Variants in PCDHA1 observed in about 807,000 individuals in gnomAD.
PCDHA1 encodes the protein protocadherin alpha-1.
A neutral mutation model predicts 61.3 loss-of-function variants in PCDHA1; 42 were observed. The ratio of observed to expected loss-of-function variants is 0.69; its 90% CI spans 0.54 to 0.89. The LOEUF is 0.89. Among genes scored for constraint, PCDHA1 ranks in the 40% least tolerant of loss-of-function variants. The pLI, the probability that PCDHA1 is intolerant of heterozygous loss-of-function variation, is 0.00. For missense variants in PCDHA1, 1,256 were observed against 1,235.3 expected (o/e 1.02, Z -0.25); for synonymous variants, 610 against 553.8 (o/e 1.10, Z -1.43).
chr5:140,848,542 T>G (rs2150412544), intron 1 of PCDHA1: 1 of 1,595,366 alleles, frequency 6.3e-7, no homozygotes, highest in Non-Finnish European at 8.6e-7. Context: ...CCTCTACTGC[T>G]CTCGCTTCTG....
chr5:140,868,956 C>T (rs2050758654), intron 1 of PCDHA1: 9 of 1,367,630 alleles, frequency 6.6e-6, no homozygotes, highest in Non-Finnish European at 7.9e-6. Flanking sequence ...GAGGCACTCC[C>T]ATACAAAGGA....
At chr5:140,996,596 C>G (rs1343501273) in intron 3 of PCDHA1, among the ~76,000 whole-genome samples, 1 of 152,156 alleles carries the variant, frequency 6.6e-6, no homozygotes. Flanking sequence ...CCGCCTCCCC[C>G]CATTTTCATT....
In PCDHA1 at chr5:140,895,957, C is replaced by G. The variant is rs186458993; in HGVS notation, c.2395-82992C>G. Among the ~76,000 whole-genome samples, 2 of 152,196 alleles carry G rather than the reference C, an allele frequency of 1.3e-5. 1 individual carries two copies. Among genetic ancestry groups the G allele is most frequent in the Admixed American group, 1.3e-4 (2 of 15,284 alleles). On this transcript the variant is annotated intron_variant, in intron 1 of 3. Transcript: ENST00000504120. Reference sequence around the variant, plus strand: ...TCCCGAGTAGCTGGGATTACAGGTGCCTGTCACCAGGCCTAGCTAATTTTT... The same window carrying G: ...TCCCGAGTAGCTGGGATTACAGGTGGCTGTCACCAGGCCTAGCTAATTTTT...
intron 3 of PCDHA1, among the ~76,000 whole-genome samples, chr5:140,989,886 C>T (rs954644773): frequency 1.3e-5 from 2 of 151,784 alleles, no homozygotes. Flanking sequence ...CACTTGGAGT[C>T]TCCGTTATTC....
chr5:140,834,900 A>C (rs1299634781), intron 1 of PCDHA1: 1 of 1,599,980 alleles, frequency 6.3e-7, no homozygotes, highest in Non-Finnish European at 8.5e-7. Flanking sequence ...TTACAGACTG[A>C]GCCCCAATGA....
chr5:140,925,441 T>G (rs1458646143), intron 1 of PCDHA1, among the ~76,000 whole-genome samples: 1 of 152,136 alleles, frequency 6.6e-6, no homozygotes, highest in African/African-American at 2.4e-5. Context: ...TTAGGCAGAA[T>G]TTGGGTGTAT....
At chr5:140,888,265 A>G (rs2061758269) in intron 1 of PCDHA1, among the ~76,000 whole-genome samples, 1 of 152,096 alleles carries the variant, frequency 6.6e-6, no homozygotes, top group Non-Finnish European at 1.5e-5. Flanking sequence ...TCTTGATAAG[A>G]AACAGTTTTG....
intron 1 of PCDHA1, chr5:140,841,306 G>A (rs2150313155): frequency 3.8e-6 from 6 of 1,579,894 alleles, no homozygotes; most frequent in South Asian, 3.5e-5. Context: ...TTTCTGATAG[G>A]AAACGACTAT....
At chr5:140,826,611 A>G (rs1466562195) in intron 1 of PCDHA1, among the ~76,000 whole-genome samples, 1 of 152,158 alleles carries the variant, frequency 6.6e-6, no homozygotes, top group Non-Finnish European at 1.5e-5. Flanking sequence ...ATTAAGGGCG[A>G]AGTTGATATT....
rs2150151529 is a variant in PCDHA1 at position 140,828,158 on chromosome 5, G to A, written c.2394+39474G>A. ...GCTCCTCCCGCTTCTGCTCCTCGCAGCCTGGAAGGTGGGGAGCGGCCAGCT... is the reference window on the plus strand; with the variant it reads ...GCTCCTCCCGCTTCTGCTCCTCGCAACCTGGAAGGTGGGGAGCGGCCAGCT... On this transcript the variant is annotated intron_variant, in intron 1 of 3. Transcript: ENST00000504120. 4 of 1,614,202 alleles carry A rather than the reference G, an allele frequency of 2.5e-6. No individual in the cohort carries two copies. In the East Asian group the frequency reaches 8.9e-5, roughly 36 times the overall value.
At chr5:140,911,589 C>A (rs1583792136) in intron 1 of PCDHA1, among the ~76,000 whole-genome samples, 1 of 152,302 alleles carries the variant, frequency 6.6e-6, no homozygotes, top group Middle Eastern at 3.4e-3. Flanking sequence ...TTAGGAGGAA[C>A]CAACCAACTT....
chr5:140,942,439 A>G (rs1554214983), intron 1 of PCDHA1, among the ~76,000 whole-genome samples: 1 of 152,082 alleles, frequency 6.6e-6, no homozygotes, highest in Non-Finnish European at 1.5e-5. Flanking sequence ...AACAATAAAC[A>G]AGTAAACTAT....
chr5:141,004,274 A>T (rs2098160407), intron 3 of PCDHA1, among the ~76,000 whole-genome samples: 1 of 152,212 alleles, frequency 6.6e-6, no homozygotes, highest in Admixed American at 6.5e-5. Flanking sequence ...CACAGTCTAC[A>T]TGCTGCTGAG....
rs112991614 is a variant in PCDHA1, at chr5:140,829,474, A to G, written c.2394+40790A>G. 3.3e-3 allele frequency: 5,348 copies of G among 1,613,788 alleles called. 124 individuals carry two copies. In the African/African-American group the frequency reaches 0.055, roughly 17 times the overall value. On this transcript the variant is annotated intron_variant, in intron 1 of 3. Transcript: ENST00000504120. ...CGGCGTTCGCGCAGCCCGAGTACAC[A>G]GTGTTCGTGAAGGAGAACAACCCGC...
intron 1 of PCDHA1, among the ~76,000 whole-genome samples, chr5:140,916,064 T>G (rs1282899200): frequency 1.3e-5 from 2 of 152,156 alleles, no homozygotes; most frequent in African/African-American, 4.8e-5. Flanking sequence ...CCTCTCCCTG[T>G]GGCCAGTACT....
intron 1 of PCDHA1, among the ~76,000 whole-genome samples, chr5:140,969,759 T>C (rs576118722): frequency 1.3e-5 from 2 of 152,338 alleles, no homozygotes; most frequent in African/African-American, 4.8e-5. Flanking sequence ...CTTAAAAAGC[T>C]CTGAGGCCTC....
chr5:140,822,739 A>C, intron 1 of PCDHA1: 1 of 1,613,636 alleles, frequency 6.2e-7, no homozygotes, highest in Non-Finnish European at 8.5e-7. Flanking sequence ...TATTGATGCC[A>C]TGGATAAAAG....
intron 3 of PCDHA1, among the ~76,000 whole-genome samples, chr5:140,983,425 C>T (rs1252010683): frequency 2.0e-5 from 3 of 152,198 alleles, no homozygotes; most frequent in Non-Finnish European, 4.4e-5. Context: ...GTAGAGACCA[C>T]AAATTGTGTC....
intron 1 of PCDHA1, among the ~76,000 whole-genome samples, chr5:140,965,098 A>G (rs1554227430): frequency 6.6e-6 from 1 of 152,244 alleles, no homozygotes; most frequent in African/African-American, 2.4e-5. Flanking sequence ...GTCCATAGCT[A>G]GAAAATGACC....
Sources: gnomAD v4.1 joint callset for allele counts (sites outside exome capture counted in the v4.1 genomes callset) on GRCh38, gnomAD v4.1.1 for gene constraint, MANE v1.5 for transcripts, NCBI Gene and HGNC (gene_info 2026-07-23, HGNC 2026-07-21) for gene names.